Variants in SLC35F2 observed in about 807,000 individuals in gnomAD.
SLC35F2 encodes the protein solute carrier family 35 member F2.
A neutral mutation model predicts 38.1 loss-of-function variants in SLC35F2; 25 were observed. The ratio of observed to expected loss-of-function variants is 0.66; its 90% CI spans 0.48 to 0.92. The LOEUF is 0.92. SLC35F2 is among the 40% of genes least tolerant of loss of function. The pLI is 0.00. For missense variants in SLC35F2, 409 were observed against 452.9 expected, an observed-to-expected ratio of 0.90 and a Z score of 0.88; for synonymous variants, 173 against 181.7, an observed-to-expected ratio of 0.95 and a Z score of 0.38.
At chr11:107,797,787 C>G (rs1859243649) in intron 7 of SLC35F2, among the ~76,000 whole-genome samples, 1 of 152,050 alleles carries the variant, frequency 6.6e-6, no homozygotes. Context: ...AATGATAATG[C>G]AAAACCAATA....
intron 3 of SLC35F2, among the ~76,000 whole-genome samples, chr11:107,807,252 T>A (rs1313557762): frequency 7.9e-6 from 1 of 126,348 alleles, no homozygotes; most frequent in African/African-American, 3.1e-5. Context: ...CTGGGCAACA[T>A]GGTGAAACCC....
intron 1 of SLC35F2, among the ~76,000 whole-genome samples, chr11:107,818,043 C>A (rs1859603778): frequency 9.8e-6 from 1 of 102,360 alleles, no homozygotes; most frequent in South Asian, 3.5e-4. Flanking sequence ...AGTGACAGAG[C>A]AAGACTCTGT....
At chr11:107,856,917 G>A (rs1435914518) in intron 1 of SLC35F2, among the ~76,000 whole-genome samples, 9 of 123,606 alleles carry the variant, frequency 7.3e-5, no homozygotes, top group African/African-American at 2.2e-4. Context: ...GGGAGGGAGG[G>A]AGGGAGGGAA....
chr11:107,826,688 A>C (rs183916747), intron 1 of SLC35F2, among the ~76,000 whole-genome samples: 18 of 152,390 alleles, frequency 1.2e-4, no homozygotes, highest in Middle Eastern at 6.8e-3. Flanking sequence ...TGTAAAACAA[A>C]AATTAAATTT....
rs796965623 is a variant in SLC35F2, at chr11:107,792,053, C to CTT, written c.*560_*561dup. On this transcript the variant is annotated 3_prime_UTR_variant, in exon 8 of 8. Coordinates refer to ENST00000525815, the MANE Select transcript of SLC35F2 (RefSeq NM_017515.5). The stretch of plus-strand genomic sequence containing the variant: ...GTTTAATGCTTGTATAGTACTCACA[C>CTT]TTATATCTCAAGACTTTTCAAGGGC... 18 of 150,630 alleles carry CTT rather than the reference C, an allele frequency of 1.2e-4. No homozygotes were observed. The highest frequency in any genetic ancestry group is 4.4e-4 in the African/African-American group (18 of 40,878). 9.3% of individuals were successfully genotyped at this position (150,630 alleles called of 1,614,324 possible). A position where few individuals can be genotyped will look rare whatever the true frequency, so the allele number is the denominator to read the frequency against.
chr11:107,821,128 A>T (rs1476478207), intron 1 of SLC35F2, among the ~76,000 whole-genome samples: 1 of 152,218 alleles, frequency 6.6e-6, no homozygotes, highest in Non-Finnish European at 1.5e-5. Flanking sequence ...CAAGTGGCTG[A>T]TAACCTAATC....
intron 7 of SLC35F2, among the ~76,000 whole-genome samples, chr11:107,793,217 C>T (rs1364969238): frequency 6.6e-6 from 1 of 152,214 alleles, no homozygotes; most frequent in African/African-American, 2.4e-5. Context: ...CATGCCTGGC[C>T]TCATGATCTT....
rs953320594 is a variant in SLC35F2, at chr11:107,835,110, C to T, written c.111-19145G>A. Reference sequence around the variant, plus strand: ...AGTTAAAGAGGCCAACAATCAATGCCTTAAATCATTAACACGCACACTCAC... The same window carrying T: ...AGTTAAAGAGGCCAACAATCAATGCTTTAAATCATTAACACGCACACTCAC... On this transcript the variant is annotated intron_variant, in intron 1 of 7. Transcript: ENST00000525815. 3.9e-5 allele frequency among the ~76,000 whole-genome samples: 6 copies of T among 152,154 alleles called. No homozygotes were observed. In the East Asian group the frequency reaches 1.2e-3, roughly 29 times the overall value.
chr11:107,826,825 A>G (rs1859760594), intron 1 of SLC35F2, among the ~76,000 whole-genome samples: 1 of 152,206 alleles, frequency 6.6e-6, no homozygotes. Flanking sequence ...TCCTAATAAA[A>G]TATACCATAG....
intron 7 of SLC35F2, among the ~76,000 whole-genome samples, chr11:107,800,415 G>A (rs941324226): frequency 8.5e-5 from 11 of 130,080 alleles, no homozygotes; most frequent in Non-Finnish European, 1.8e-4. Context: ...TCTGGGAATA[G>A]CATAAATAAG....
chr11:107,843,868 AAT>A (rs1178673709), intron 1 of SLC35F2, among the ~76,000 whole-genome samples: 599 of 46,796 alleles, frequency 0.013, 5 homozygotes, highest in Non-Finnish European at 0.016. Context: ...AAAAAAAAAA[AAT>A]ATATATATAT....
intron 1 of SLC35F2, among the ~76,000 whole-genome samples, chr11:107,819,351 A>G (rs921327586): frequency 1.3e-5 from 2 of 152,218 alleles, no homozygotes; most frequent in African/African-American, 4.8e-5. Context: ...TGATGATGTC[A>G]AGAACTGGCC....
intron 1 of SLC35F2, among the ~76,000 whole-genome samples, chr11:107,825,791 G>A (rs1859745840): frequency 6.6e-6 from 1 of 152,134 alleles, no homozygotes; most frequent in South Asian, 2.1e-4. Context: ...CAACTTTTAG[G>A]AATCCGTGGA....
intron 1 of SLC35F2, among the ~76,000 whole-genome samples, chr11:107,855,873 G>T (rs1314399755): frequency 1.3e-5 from 2 of 151,408 alleles, no homozygotes; most frequent in Non-Finnish European, 2.9e-5. Flanking sequence ...AGCACTTTTG[G>T]AGGCTGAGGT....
intron 1 of SLC35F2, among the ~76,000 whole-genome samples, chr11:107,845,186 C>G (rs968160583): frequency 2.0e-5 from 3 of 152,156 alleles, no homozygotes; most frequent in Admixed American, 2.0e-4. Flanking sequence ...CCACAATTCT[C>G]TGGGAAGATC....
At chr11:107,793,543 C>T (rs568249543) in intron 7 of SLC35F2, among the ~76,000 whole-genome samples, 79 of 152,140 alleles carry the variant, frequency 5.2e-4, no homozygotes, top group African/African-American at 1.9e-3. Context: ...ACAGAAGGGG[C>T]ATCTGCTCAA....
chr11:107,827,727 C>T (rs651531), intron 1 of SLC35F2, among the ~76,000 whole-genome samples: 53,466 of 147,594 alleles, frequency 0.36, 9,694 homozygotes, highest in South Asian at 0.47. Flanking sequence ...CCAGCCTGGG[C>T]GACAGAGCAA....
intron 7 of SLC35F2, among the ~76,000 whole-genome samples, chr11:107,802,429 C>T (rs1339756292): frequency 6.6e-6 from 1 of 152,042 alleles, no homozygotes; most frequent in Non-Finnish European, 1.5e-5. Flanking sequence ...GGTAATAGGA[C>T]CCATTGCTGA....
At chr11:107,818,910 G>A (rs1220819758) in intron 1 of SLC35F2, among the ~76,000 whole-genome samples, 2 of 152,296 alleles carry the variant, frequency 1.3e-5, no homozygotes, top group South Asian at 2.1e-4. Flanking sequence ...GGAAGCTGAG[G>A]AAGGAGGATT....
Sources: allele counts gnomAD v4.1 joint callset (sites outside exome capture counted in the v4.1 genomes callset), GRCh38; gene constraint gnomAD v4.1.1; transcripts MANE v1.5; gene names NCBI Gene and HGNC (gene_info 2026-07-23, HGNC 2026-07-21).